Variants in KCNK13 observed in about 807,000 individuals in gnomAD.
KCNK13 encodes potassium two pore domain channel subfamily K member 13, also known as potassium channel subfamily K member 13.
KCNK13 carries 12 observed loss-of-function variants against 23.4 expected under a neutral mutation model. The ratio of observed to expected loss-of-function variants is 0.51; its 90% CI spans 0.33 to 0.83. The LOEUF (loss-of-function observed/expected upper bound fraction) is 0.83, where lower values mean the gene tolerates loss of function less well. Ranked by LOEUF, KCNK13 falls within the 40% of genes least tolerant of loss-of-function variation. KCNK13 has a pLI of 0.02. For missense variants in KCNK13, 463 were observed against 556.3 expected (o/e 0.83, Z 1.69); for synonymous variants, 231 against 229.5 (o/e 1.01, Z -0.06).
At chr14:90,136,087 G>C (rs1889933499) in intron 1 of KCNK13, among the ~76,000 whole-genome samples, 1 of 152,022 alleles carries the variant, frequency 6.6e-6, no homozygotes, top group Non-Finnish European at 1.5e-5. Flanking sequence ...ATAGAGATGT[G>C]CCACCAAGAA....
intron 1 of KCNK13, among the ~76,000 whole-genome samples, chr14:90,117,008 TA>T: frequency 6.6e-6 from 1 of 152,324 alleles, no homozygotes; most frequent in South Asian, 2.1e-4. Flanking sequence ...TAATAACATT[TA>T]ATTTATAAGG....
intron 1 of KCNK13, among the ~76,000 whole-genome samples, chr14:90,181,915 C>G (rs945773565): frequency 1.3e-5 from 2 of 152,156 alleles, no homozygotes; most frequent in Admixed American, 1.3e-4. Flanking sequence ...TGTTTAGTAA[C>G]TACAGAAGCA....
intron 1 of KCNK13, among the ~76,000 whole-genome samples, chr14:90,123,007 G>A (rs1889757257): frequency 6.6e-6 from 1 of 152,172 alleles, no homozygotes; most frequent in African/African-American, 2.4e-5. Context: ...CACATGGCCA[G>A]TTAGTGGCAG....
intron 1 of KCNK13, among the ~76,000 whole-genome samples, chr14:90,080,680 T>C (rs1359179551): frequency 6.6e-6 from 1 of 152,176 alleles, no homozygotes; most frequent in Non-Finnish European, 1.5e-5. Flanking sequence ...TTTTTTCTCT[T>C]TCTTCTTTGT....
chr14:90,164,402 C>T (rs1360192905), intron 1 of KCNK13, among the ~76,000 whole-genome samples: 1 of 152,072 alleles, frequency 6.6e-6, no homozygotes, highest in African/African-American at 2.4e-5. Context: ...GAAGGCGCCT[C>T]TAAAAAGAAT....
intron 1 of KCNK13, among the ~76,000 whole-genome samples, chr14:90,069,868 T>A (rs915261203): frequency 3.3e-5 from 5 of 152,194 alleles, no homozygotes; most frequent in African/African-American, 1.2e-4. Context: ...AGCATAGATA[T>A]CTTGCTTCAG....
At chr14:90,180,564 T>A (rs1890473220) in intron 1 of KCNK13, among the ~76,000 whole-genome samples, 1 of 152,216 alleles carries the variant, frequency 6.6e-6, no homozygotes, top group Admixed American at 6.5e-5. Flanking sequence ...ATAGGAGAGA[T>A]GGCAGTCATC....
chr14:90,066,127 C>G lies in KCNK13; in HGVS notation c.334+3588C>G, dbSNP rs573181950. Among the ~76,000 whole-genome samples the G allele has an allele frequency of 4.3e-5, 6 of 139,744 alleles. No homozygotes were observed. The East Asian group carries it at 1.0e-3, about 24-fold the overall frequency. The allele number at this position is 139,744 out of a possible 152,430, so 91.7% of individuals were successfully genotyped here. A position where few individuals can be genotyped will look rare whatever the true frequency, so the allele number is the denominator to read the frequency against. On this transcript the variant is annotated intron_variant, in intron 1 of 1. Transcript: ENST00000282146. The stretch of plus-strand genomic sequence containing the variant: ...TACAGGTGTGCACCACCAGGCCCAG[C>G]TAATTTTTGTATTTTTTTTTTTTTT...
intron 1 of KCNK13, among the ~76,000 whole-genome samples, chr14:90,091,583 G>A (rs1889344091): frequency 6.6e-6 from 1 of 152,130 alleles, no homozygotes; most frequent in African/African-American, 2.4e-5. Flanking sequence ...CTGTTTCTGG[G>A]GGAAAGGCTG....
At chr14:90,076,583 A>G (rs1889137077) in intron 1 of KCNK13, among the ~76,000 whole-genome samples, 1 of 152,106 alleles carries the variant, frequency 6.6e-6, no homozygotes, top group Non-Finnish European at 1.5e-5. Context: ...ATTGTCCCTC[A>G]ACCCCCATCT....
rs1334928126 is a variant in KCNK13, at chr14:90,062,242, C to A, written c.37C>A (p.Leu13Met). The A allele has an allele frequency of 7.2e-6, 11 of 1,533,122 alleles. No homozygotes were observed. The highest frequency in any genetic ancestry group is 9.6e-6 in the Non-Finnish European group (11 of 1,148,642). The allele number at this position is 1,533,122 out of a possible 1,614,324, so 95.0% of individuals were successfully genotyped here. A position where few individuals can be genotyped will look rare whatever the true frequency, so the allele number is the denominator to read the frequency against. ...GRGFSWGPGHLNEDNARFLLL... is the reference protein window; with the variant it reads ...GRGFSWGPGHMNEDNARFLLL... The stretch of plus-strand genomic sequence containing the variant: ...GGGTTTCAGCTGGGGCCCGGGCCAC[C>A]TGAACGAGGACAACGCGCGCTTTCT... Residue 13 changes from leucine to methionine, a missense_variant, in exon 1 of 2, where the codon CTG becomes ATG. This residue lies in a region of KCNK13 where 153 missense variants were observed against 153.6 expected (regional missense o/e 1.00). Coordinates refer to ENST00000282146, the MANE Select transcript of KCNK13 (RefSeq NM_022054.4). The surrounding 1 kb of genome is among the most constrained non-coding windows in gnomAD (Gnocchi z 4.5).
chr14:90,161,244 A>G (rs1890249931), intron 1 of KCNK13, among the ~76,000 whole-genome samples: 1 of 152,234 alleles, frequency 6.6e-6, no homozygotes, highest in Non-Finnish European at 1.5e-5. Context: ...TATGAGGTAC[A>G]CAGAATAAGC....
At chr14:90,081,671 T>C (rs777837222) in intron 1 of KCNK13, among the ~76,000 whole-genome samples, 2 of 152,184 alleles carry the variant, frequency 1.3e-5, no homozygotes, top group African/African-American at 2.4e-5. Context: ...ATCATCACCA[T>C]CAATTTTAGG....
At chr14:90,137,629 G>A (rs1372361170) in intron 1 of KCNK13, among the ~76,000 whole-genome samples, 2 of 152,082 alleles carry the variant, frequency 1.3e-5, no homozygotes, top group Non-Finnish European at 2.9e-5. Flanking sequence ...CCCCAGTCTT[G>A]TTTTAAAATG....
chr14:90,130,179 C>CATTTATTT (rs60505302), intron 1 of KCNK13, among the ~76,000 whole-genome samples: 84,624 of 141,794 alleles, frequency 0.6, 26,678 homozygotes, highest in East Asian at 0.84. Context: ...TGGAGAAGGA[C>CATTTATTT]ATTTATTTAT....
intron 1 of KCNK13, among the ~76,000 whole-genome samples, chr14:90,073,623 C>A (rs1454280300): frequency 6.6e-6 from 1 of 152,148 alleles, no homozygotes; most frequent in African/African-American, 2.4e-5. Flanking sequence ...ATTTTAAGGG[C>A]TGCCTCAAGG....
At chr14:90,081,674 A>G (rs1889214283) in intron 1 of KCNK13, among the ~76,000 whole-genome samples, 1 of 152,126 alleles carries the variant, frequency 6.6e-6, no homozygotes, top group Admixed American at 6.5e-5. Context: ...ATCACCATCA[A>G]TTTTAGGACA....
intron 1 of KCNK13, among the ~76,000 whole-genome samples, chr14:90,129,501 G>A (rs1010029075): frequency 7.2e-5 from 11 of 152,180 alleles, no homozygotes; most frequent in African/African-American, 2.7e-4. Context: ...GCTTCCAGGT[G>A]AGGCTGAAGC....
intron 1 of KCNK13, among the ~76,000 whole-genome samples, chr14:90,103,873 TTTG>T (rs934022507): frequency 2.6e-5 from 4 of 152,068 alleles, no homozygotes; most frequent in Non-Finnish European, 4.4e-5. Flanking sequence ...CAGACAGTTT[TTTG>T]TTGTTGTTGT....
Sources: gnomAD v4.1 joint callset for allele counts (sites outside exome capture counted in the v4.1 genomes callset) on GRCh38, gnomAD v4.1.1 for gene constraint, gnomAD v4.1.1 regional missense constraint, Gnocchi (gnomAD v3.1) non-coding constraint, MANE v1.5 for transcripts, NCBI Gene and HGNC (gene_info 2026-07-23, HGNC 2026-07-21) for gene names.